The following HJURP variants were observed in gnomAD, a reference collection of about 807,000 sequenced individuals.
The protein encoded by HJURP is Holliday junction recognition protein.
A neutral mutation model predicts 72.0 loss-of-function variants in HJURP; 49 were observed. The observed-to-expected ratio is 0.68, with a 90% CI of 0.54 to 0.86. The LOEUF (loss-of-function observed/expected upper bound fraction) is 0.86, where lower values mean the gene tolerates loss of function less well. HJURP is among the 40% of genes least tolerant of loss of function. HJURP has a pLI of 0.00. For synonymous variants in HJURP, 357 were observed against 347.1 expected (o/e 1.03, Z -0.32); for missense variants, 908 against 936.3 (o/e 0.97, Z 0.39).
chr2:233,844,549 G>A (rs933814150), intron 6 of HJURP, among the ~76,000 whole-genome samples: 6 of 152,176 alleles, frequency 3.9e-5, no homozygotes, highest in African/African-American at 1.2e-4. Context: ...CCCCAGGGGC[G>A]CTGGTAGCTT....
chr2:233,844,172 G>A (rs369481906), intron 7 of HJURP, 33 bp downstream of exon 7: 39 of 1,580,262 alleles, frequency 2.5e-5, no homozygotes, highest in Non-Finnish European at 3.0e-5. Flanking sequence ...AAGGAAACAC[G>A]CACTGTTCAT....
chr2:233,852,427 G>C (rs1045088146), intron 3 of HJURP, 138 bp downstream of exon 3: 12 of 623,278 alleles, frequency 1.9e-5, no homozygotes, highest in South Asian at 6.0e-5. Flanking sequence ...CTTAAAAACA[G>C]AAAGAGTATA....
rs138901859 is a variant in HJURP at position 233,841,383 on chromosome 2, A to G, written c.1397T>C (p.Met466Thr). The change falls in exon 8 of 9, where the codon ATG (methionine) becomes ACG (threonine). Residue 466 changes from methionine to threonine, a missense_variant. Met to Thr is a moderately conservative substitution (Grantham distance 81). Transcript: ENST00000411486. ...MCLPDSWAMN[M>T]YRGGPASPGG... is the part of the protein sequence containing the mutation. ...AGGACTCGCAGGACCCCCTCTGTACATGTTCATGGCCCAGGAGTCCGGGAG... is the reference window on the plus strand; with the variant it reads ...AGGACTCGCAGGACCCCCTCTGTACGTGTTCATGGCCCAGGAGTCCGGGAG... 103 of 1,613,934 alleles carry G rather than the reference A, an allele frequency of 6.4e-5. No homozygotes were observed. The highest frequency in any genetic ancestry group is 8.3e-5 in the Admixed American group (5 of 59,996).
At chr2:233,854,346 G>A (rs1164041437) in intron 1 of HJURP, 38 bp downstream of exon 1, 1 of 1,457,210 alleles carries the variant, frequency 6.9e-7, no homozygotes. Context: ...ACTCCGACAC[G>A]CAGGCCTCCC....
Position 233,854,478 on chromosome 2 carries a change from A to G in HJURP, c.23T>C (p.Met8Thr). The change falls in exon 1 of 9, where the codon ATG becomes ACG. Residue 8 changes from methionine to threonine, a missense_variant. By Grantham distance (81) the Met-to-Thr change is moderately conservative (BLOSUM62 -1). This residue lies in a region of HJURP where 299 missense variants were observed against 286.7 expected (regional missense o/e 1.04). Coordinates refer to ENST00000411486, the MANE Select transcript of HJURP (RefSeq NM_018410.5). MLGTLRA[M>T]EGEDVEDDQL... ...GTCGTCTTCCACGTCCTCGCCCTCC[A>G]TGGCGCGCAGCGTACCCAGCATCGG... 1 of 1,611,874 alleles carries G rather than the reference A, an allele frequency of 6.2e-7. No individual in the cohort carries two copies. Among genetic ancestry groups the G allele is most frequent in the Non-Finnish European group, 8.5e-7 (1 of 1,179,052 alleles).
intron 4 of HJURP, among the ~76,000 whole-genome samples, chr2:233,847,766 C>T (rs1282100589): frequency 3.9e-5 from 6 of 152,198 alleles, no homozygotes; most frequent in Non-Finnish European, 7.3e-5. Context: ...ACAGAACTTC[C>T]GGTGACCATG....
Position 233,845,734 on chromosome 2 carries a change from A to C in HJURP, c.489T>G (p.Tyr163Ter). Reference protein sequence around the residue: ...QVDILLQGAEYFECAGNRAGR... With the variant: ...QVDILLQGAE ...CAACTGGGAAACAGATTACCTCAAA[A>C]TACTCTGCACCTTGTAGCAGTATAT... Residue 163 changes from tyrosine to a stop codon, truncating the protein, a stop_gained, in exon 6 of 9, where the codon TAT (tyrosine) becomes TAG (stop). Transcript: ENST00000411486. LOFTEE classifies it high-confidence loss of function. 6.3e-7 allele frequency: 1 copy of C among 1,592,110 alleles called. No homozygotes were observed. Among genetic ancestry groups the C allele is most frequent in the Non-Finnish European group, 8.6e-7 (1 of 1,162,918 alleles).
rs533299782 is a variant in HJURP, at chr2:233,845,701, A to G, written c.495+27T>C. On this transcript the variant is annotated intron_variant, in intron 6 of 8. Coordinates refer to ENST00000411486, the MANE Select transcript of HJURP (RefSeq NM_018410.5). ...ATTTAGTTTATGATCTAATTATATA[A>G]AAACAAACAACTGGGAAACAGATTA... 1.1e-4 allele frequency: 158 copies of G among 1,461,762 alleles called. 2 individuals are homozygous for G. The South Asian group carries it at 1.6e-3, about 14-fold the overall frequency. The allele number at this position is 1,461,762 out of a possible 1,614,324, so 90.5% of individuals were successfully genotyped here.
At position 233,840,962 on chromosome 2, in the gene HJURP, T is replaced by G. The variant is rs1439256365; in HGVS notation, c.1818A>C (p.Gly606=). The change falls in exon 8 of 9, where the codon GGA becomes GGC. Residue 606 remains glycine (G), a synonymous_variant. Coordinates refer to ENST00000411486, the MANE Select transcript of HJURP (RefSeq NM_018410.5). ...CCATACTTGCTTTATCTGTAGACAC[T>G]CCAATACATAAAGGCACTGTCATCT... ...PGQMTVPLCI[G]VSTDKASMEV... 1.2e-6 allele frequency: 2 copies of G among 1,614,018 alleles called. No homozygotes were observed. Among genetic ancestry groups the G allele is most frequent in the East Asian group, 4.5e-5 (2 of 44,890 alleles).
In HJURP at chr2:233,846,018, GACAC is replaced by G; in HGVS notation, c.403-202_403-199del. On this transcript the variant is annotated intron_variant, in intron 5 of 8. Transcript: ENST00000411486. The surrounding 1 kb of genome is among the most constrained non-coding windows in gnomAD (Gnocchi z 4.3). ...TTAATAATCCAAAAGAATGTAAAAA[GACAC>G]ACACACACAAAAAAACCATGTCTAG... The G allele has an allele frequency of 2.1e-6, 1 of 486,812 alleles. No individual in the cohort carries two copies. The highest frequency in any genetic ancestry group is 3.2e-5 in the South Asian group (1 of 31,194). The allele number at this position is 486,812 out of a possible 1,614,324, so 30.2% of individuals were successfully genotyped here. A position where few individuals can be genotyped will look rare whatever the true frequency, so the allele number is the denominator to read the frequency against.
rs140693056 is a variant in HJURP at position 233,842,186 on chromosome 2, G to A, written c.594C>T (p.Ser198=). 2.6e-5 allele frequency: 42 copies of A among 1,611,032 alleles called. No homozygotes were observed. Among genetic ancestry groups the A allele is most frequent in the African/African-American group, 8.0e-5 (6 of 74,808 alleles). The stretch of plus-strand genomic sequence containing the variant: ...TCGCTGGGTCACCAGGACTCTTTCT[G>A]GAGATACGACTGCAGTATCCTGGGA... ...VPAPGYCSRI[S]RKSPGDPAKP... is the part of the protein sequence containing the mutation. Residue 198 remains serine (S), a synonymous_variant, in exon 8 of 9, where the codon TCC becomes TCT. Transcript: ENST00000411486.
intron 5 of HJURP, 144 bp from the exon 6 acceptor site, chr2:233,845,964 T>G (rs754479337): frequency 2.4e-5 from 14 of 581,798 alleles, no homozygotes; most frequent in Non-Finnish European, 4.3e-5. Flanking sequence ...ATGATGTTAT[T>G]CAAAGTCACT....
intron 7 of HJURP, 43 bp downstream of exon 7, chr2:233,844,162 A>T: frequency 1.9e-6 from 3 of 1,552,872 alleles, no homozygotes; most frequent in Non-Finnish European, 2.7e-6. Flanking sequence ...AACAAAAGTG[A>T]AGGAAACACG....
intron 3 of HJURP, 71 bp from the exon 4 acceptor site, chr2:233,849,930 A>C: frequency 1.1e-6 from 1 of 870,518 alleles, no homozygotes; most frequent in Non-Finnish European, 1.9e-6. Context: ...CCGCAAAATA[A>C]TAAAACTGCA....
rs1421903367 is a variant in HJURP, at chr2:233,846,383, T to G, written c.403-563A>C. 6.6e-6 allele frequency among the ~76,000 whole-genome samples: 1 copy of G among 152,076 alleles called. No individual in the cohort carries two copies. The highest frequency in any genetic ancestry group is 2.4e-5 in the African/African-American group (1 of 41,394). On this transcript the variant is annotated intron_variant, in intron 5 of 8. Coordinates refer to ENST00000411486, the MANE Select transcript of HJURP (RefSeq NM_018410.5). This position sits in a 1 kb window ranked among gnomAD's most constrained non-coding sequence, Gnocchi z 4.3. ...AGGAGAATCGCTTGAACCCAGGAAG[T>G]AGAGGTTGCAGTGAGCTGAGATTGC...
Position 233,841,516 on chromosome 2 carries a change from T to C in HJURP, c.1264A>G (p.Ile422Val), listed in dbSNP as rs761671863. The stretch of plus-strand genomic sequence containing the variant: ...CGGTTCTCTCCATGGCCCTGTCGTA[T>C]TGTTGGTCTGGAAACTATTTTTACA... The part of the protein sequence containing the change: ...SPVKIVSRPT[I>V]RQGHGENRQR... Residue 422 changes from isoleucine (I) to valine (V), a missense_variant, in exon 8 of 9, where the codon ATA becomes GTA. Physicochemically the swap from Ile to Val is conservative, Grantham distance 29 (BLOSUM62 3). Around this residue, in one of 3 missense-constraint regions of HJURP, gnomAD observed 598 missense variants for 619.5 expected, o/e 0.97. Coordinates refer to ENST00000411486, the MANE Select transcript of HJURP (RefSeq NM_018410.5). The C allele has an allele frequency of 5.6e-6, 9 of 1,614,056 alleles. No homozygotes were observed. Among genetic ancestry groups the C allele is most frequent in the Non-Finnish European group, 7.6e-6 (9 of 1,179,996 alleles).
chr2:233,842,845 G>A (rs1351762059), intron 7 of HJURP, among the ~76,000 whole-genome samples: 2 of 152,230 alleles, frequency 1.3e-5, no homozygotes, highest in Admixed American at 6.5e-5. Flanking sequence ...TTGACCAGAT[G>A]AGCACGTGTT....
intron 5 of HJURP, 142 bp downstream of exon 5, chr2:233,847,255 G>T (rs1315733567): frequency 6.0e-6 from 4 of 669,016 alleles, no homozygotes; most frequent in Non-Finnish European, 1.1e-5. Context: ...TCCGAGACTT[G>T]GAAGTAGCAA....
rs1705230812 is a variant in HJURP, at chr2:233,841,555, A to T, written c.1225T>A (p.Trp409Arg). 5.0e-6 allele frequency: 8 copies of T among 1,614,096 alleles called. No homozygotes were observed. The highest frequency in any genetic ancestry group is 6.8e-6 in the Non-Finnish European group (8 of 1,179,944). The stretch of plus-strand genomic sequence containing the variant: ...ACTATTTTTACAGGAGAAATTAACC[A>T]TTTTAATGTCCTAAATCTATTTTCC... ...DEENRFRTLK[W>R]LISPVKIVSR... The change falls in exon 8 of 9, where the codon TGG becomes AGG. Residue 409 changes from tryptophan to arginine, a missense_variant. Around this residue, in one of 3 missense-constraint regions of HJURP, gnomAD observed 598 missense variants for 619.5 expected, o/e 0.97. Transcript: ENST00000411486.
Sources: allele counts gnomAD v4.1 joint callset (sites outside exome capture counted in the v4.1 genomes callset), GRCh38; gene constraint gnomAD v4.1.1; regional missense constraint gnomAD v4.1.1; non-coding constraint Gnocchi (gnomAD v3.1); transcripts MANE v1.5; gene names NCBI Gene and HGNC (gene_info 2026-07-23, HGNC 2026-07-21).